The following LARGE1 variants were observed in gnomAD, a reference collection of about 807,000 sequenced individuals.
The protein encoded by LARGE1 is xylosyl- and glucuronyltransferase LARGE1.
LARGE1 carries 43 observed loss-of-function variants against 87.6 expected under a neutral mutation model. That is an observed-to-expected ratio of 0.49 (90% CI 0.38 to 0.63). LARGE1 has a LOEUF of 0.63. Ranked by LOEUF, LARGE1 falls within the 30% of genes least tolerant of loss-of-function variation. LARGE1 has a pLI of 0.00. For missense variants in LARGE1, 802 were observed against 1,000.2 expected (o/e 0.80, Z 2.67); for synonymous variants, 434 against 394.6 (o/e 1.10, Z -1.18).
intron 5 of LARGE1, among the ~76,000 whole-genome samples, chr22:33,594,535 T>C (rs895723018): frequency 3.9e-5 from 6 of 152,242 alleles, no homozygotes; most frequent in Admixed American, 1.3e-4. Context: ...TCATTATTTG[T>C]CAAACACCTC....
chr22:33,448,661 A>C (rs2067786567), intron 6 of LARGE1, among the ~76,000 whole-genome samples: 2 of 152,130 alleles, frequency 1.3e-5, no homozygotes, highest in African/African-American at 4.8e-5. Flanking sequence ...CTCTTCCCTC[A>C]GCCTTCCCCA....
intron 11 of LARGE1, 132 bp from the exon 12 acceptor site, chr22:33,304,639 G>T: frequency 1.1e-6 from 1 of 935,940 alleles, no homozygotes; most frequent in Non-Finnish European, 1.6e-6. Flanking sequence ...TTTCAACGTT[G>T]ACTCACTCAG....
At chr22:33,329,806 T>A (rs902245324) in intron 10 of LARGE1, among the ~76,000 whole-genome samples, 1 of 152,010 alleles carries the variant, frequency 6.6e-6, no homozygotes, top group African/African-American at 2.4e-5. Flanking sequence ...AAAGATGAGG[T>A]TCCTTTAGTT....
chr22:33,496,519 C>A (rs992656948), intron 6 of LARGE1, among the ~76,000 whole-genome samples: 3 of 152,114 alleles, frequency 2.0e-5, no homozygotes, highest in African/African-American at 7.2e-5. Context: ...GGGCAATCAC[C>A]AAGACACCAA....
At chr22:33,155,366 G>C in the LARGE1 span, among the ~76,000 whole-genome samples, 49 of 152,280 alleles carry the variant, frequency 3.2e-4, no homozygotes, top group Non-Finnish European at 6.8e-4. Flanking sequence ...TAATGATATG[G>C]ACAATGAAAT....
the LARGE1 span, among the ~76,000 whole-genome samples, chr22:33,090,701 A>G: frequency 1.3e-5 from 2 of 152,156 alleles, no homozygotes; most frequent in Non-Finnish European, 2.9e-5. Context: ...GGATGTAACC[A>G]TGGGGTTAGA....
chr22:33,392,661 A>AAAC (rs201121286), intron 7 of LARGE1, among the ~76,000 whole-genome samples: 4,350 of 152,066 alleles, frequency 0.029, 194 homozygotes, highest in African/African-American at 0.1. Context: ...TCTGTCTTAA[A>AAAC]AACAACAACA....
chr22:33,647,646 G>A (rs987707786), intron 3 of LARGE1, among the ~76,000 whole-genome samples: 7 of 152,152 alleles, frequency 4.6e-5, no homozygotes, highest in Non-Finnish European at 1.0e-4. Context: ...GTGTTAGTTG[G>A]GATTTTTGAT....
At chr22:33,194,608 T>C (rs557906389) in intron 11 of LARGE1, among the ~76,000 whole-genome samples, 1 of 152,208 alleles carries the variant, frequency 6.6e-6, no homozygotes, top group South Asian at 2.1e-4. Context: ...TCCATCCACT[T>C]CTTGCAGTCT....
At chr22:33,465,571 C>G (rs377205213) in intron 6 of LARGE1, among the ~76,000 whole-genome samples, 2 of 152,162 alleles carry the variant, frequency 1.3e-5, no homozygotes, top group East Asian at 3.9e-4. Flanking sequence ...ATAGGCTTTG[C>G]AGGGCGTTCT....
the LARGE1 span, among the ~76,000 whole-genome samples, chr22:33,090,812 T>C: frequency 6.6e-6 from 1 of 152,168 alleles, no homozygotes; most frequent in African/African-American, 2.4e-5. Context: ...TTAAGGAAAT[T>C]GAGTTCTCTT....
At chr22:33,192,053 G>A (rs1294876255) in intron 11 of LARGE1, among the ~76,000 whole-genome samples, 2 of 151,972 alleles carry the variant, frequency 1.3e-5, no homozygotes, top group East Asian at 3.9e-4. Context: ...CTGGATTAAG[G>A]GTCAAACTAG....
chr22:33,700,566 G>C lies in LARGE1; in HGVS notation c.107-49898C>G, dbSNP rs762507481. Reference sequence around the variant, plus strand: ...GGATTGATTCTGATCCAAGAGTCCCGGTGGACTTCATCTCTGAATTTTATA... The same window carrying C: ...GGATTGATTCTGATCCAAGAGTCCCCGTGGACTTCATCTCTGAATTTTATA... On this transcript the variant is annotated intron_variant, in intron 2 of 14. Transcript: ENST00000397394. Among the ~76,000 whole-genome samples, 36 of 152,128 alleles carry C rather than the reference G, an allele frequency of 2.4e-4. 1 individual carries two copies. The highest frequency in any genetic ancestry group is 4.4e-5 in the Non-Finnish European group (3 of 68,036).
chr22:33,920,339 A>C lies in LARGE1; in HGVS notation c.-427T>G. The C allele has an allele frequency of 6.7e-6, 1 of 149,864 alleles. No individual in the cohort carries two copies. The highest frequency in any genetic ancestry group is 2.5e-5 in the African/African-American group (1 of 40,630). The allele number at this position is 149,864 out of a possible 1,614,324, so 9.3% of individuals were successfully genotyped here. On this transcript the variant is annotated 5_prime_UTR_variant, in exon 1 of 15. Coordinates refer to ENST00000397394, the MANE Select transcript of LARGE1 (RefSeq NM_133642.5). ...GTCCAGGGAGCGACCGCCGGGGCCG[A>C]CTCCACCTCCCGCGCTCCAAGCCGA...
At chr22:33,567,598 AT>A (rs2078066716) in intron 5 of LARGE1, among the ~76,000 whole-genome samples, 1 of 151,914 alleles carries the variant, frequency 6.6e-6, no homozygotes, top group Non-Finnish European at 1.5e-5. Flanking sequence ...AAAGGTCATG[AT>A]TTCTTTTTTA....
At chr22:33,089,321 T>TTCCTC in the LARGE1 span, among the ~76,000 whole-genome samples, 1 of 87,046 alleles carries the variant, frequency 1.1e-5, no homozygotes, top group South Asian at 4.6e-4. Flanking sequence ...TTCTTTCTTC[T>TTCCTC]TTCTTCTTCT....
chr22:33,299,153 C>T lies in LARGE1; in HGVS notation c.1730+5076G>A, dbSNP rs531994926. Among the ~76,000 whole-genome samples the T allele has an allele frequency of 6.1e-4, 93 of 151,320 alleles. No homozygotes were observed. In the South Asian group the frequency reaches 0.012, roughly 20 times the overall value. ...CTTGAGCCTGGGGAGGTTGAGGTTG[C>T]GGTGAGCCATGATTGCACCATTCCA... On this transcript the variant is annotated intron_variant, in intron 12 of 14. Transcript: ENST00000397394.
intron 6 of LARGE1, among the ~76,000 whole-genome samples, chr22:33,531,913 T>C (rs1377126165): frequency 1.3e-5 from 2 of 152,222 alleles, no homozygotes; most frequent in Admixed American, 6.5e-5. Flanking sequence ...TTCCTTCCAA[T>C]GGTTCCATGC....
intron 1 of LARGE1, among the ~76,000 whole-genome samples, chr22:33,880,104 C>T (rs1360911570): frequency 6.6e-6 from 1 of 152,206 alleles, no homozygotes; most frequent in Non-Finnish European, 1.5e-5. Flanking sequence ...TTATTAATTG[C>T]TGAGTTAATC....
Sources: allele counts gnomAD v4.1 joint callset (sites outside exome capture counted in the v4.1 genomes callset), GRCh38; gene constraint gnomAD v4.1.1; transcripts MANE v1.5; gene names NCBI Gene and HGNC (gene_info 2026-07-23, HGNC 2026-07-21).